TEX15: variants seen among roughly 807,000 people sequenced by gnomAD.
TEX15 encodes the protein testis-expressed protein 15.
In TEX15, 171 loss-of-function variants were observed where a neutral mutation model predicts 237.3. The ratio of observed to expected loss-of-function variants is 0.72; its 90% confidence interval spans 0.64 to 0.82. The LOEUF (loss-of-function observed/expected upper bound fraction) is 0.82. Ranked by LOEUF, TEX15 falls within the 40% of genes least tolerant of loss-of-function variation. The pLI is 0.00. For missense variants in TEX15, 3,750 were observed against 3,646.5 expected (o/e 1.03, Z -0.73); for synonymous variants, 1,338 against 1,269.8 (o/e 1.05, Z -1.14).
At chr8:30,889,344 C>T (rs570172626) in intron 2 of TEX15, among the ~76,000 whole-genome samples, 163 of 152,120 alleles carry the variant, frequency 1.1e-3, no homozygotes, top group African/African-American at 3.8e-3. Context: ...CCCAGCTAAT[C>T]GGGAGGCTGA....
intron 1 of TEX15, among the ~76,000 whole-genome samples, chr8:30,912,308 G>A (rs1476953618): frequency 8.2e-6 from 1 of 121,740 alleles, no homozygotes; most frequent in Admixed American, 8.2e-5. Context: ...CAGGAGTCCC[G>A]AGTTGCGGTC....
chr8:30,874,457 T>TA (rs938595892), intron 4 of TEX15, among the ~76,000 whole-genome samples: 3 of 152,186 alleles, frequency 2.0e-5, no homozygotes, highest in African/African-American at 7.2e-5. Context: ...AGAAGTACTT[T>TA]AAAAAATTAT....
Position 30,846,210 on chromosome 8 carries a change from T to A in TEX15, c.3957A>T (p.Arg1319Ser). The change falls in exon 8 of 11, where the codon AGA becomes AGT. Residue 1319 changes from arginine to serine, a missense_variant. Physicochemically the swap from Arg to Ser is moderately radical, Grantham distance 110 (BLOSUM62 -1). Transcript: ENST00000643185. ...RDQNIPHKDLRRHKIYGRKRR... is the reference protein window; with the variant it reads ...RDQNIPHKDLSRHKIYGRKRR... ...TCTTTCTCCCATAAATTTTATGTCG[T>A]CTTAAATCTTTATGTGGTATGTTCT... 6.2e-7 allele frequency: 1 copy of A among 1,613,394 alleles called. No homozygotes were observed.
At chr8:30,882,317 C>T (rs1307430351) in intron 3 of TEX15, among the ~76,000 whole-genome samples, 4 of 152,054 alleles carry the variant, frequency 2.6e-5, no homozygotes, top group African/African-American at 7.2e-5. Flanking sequence ...GACGGAGTCT[C>T]GCTCTGTCAC....
At chr8:30,903,156 G>A (rs926574019) in intron 1 of TEX15, among the ~76,000 whole-genome samples, 72 of 152,170 alleles carry the variant, frequency 4.7e-4, no homozygotes, top group African/African-American at 1.7e-3. Flanking sequence ...TTGTTTTAAT[G>A]ACCTATGCTG....
At chr8:30,871,828 A>G (rs1808298050) in intron 4 of TEX15, among the ~76,000 whole-genome samples, 2 of 152,158 alleles carry the variant, frequency 1.3e-5, no homozygotes, top group Admixed American at 6.6e-5. Context: ...AGATCTGGAT[A>G]TAGATCTAAA....
At chr8:30,867,211 G>C (rs1002844343) in intron 5 of TEX15, 54 bp downstream of exon 5, 24 of 785,398 alleles carry the variant, frequency 3.1e-5, no homozygotes, top group African/African-American at 8.6e-5. Flanking sequence ...AATATGTTCA[G>C]GTCAATTCAA....
At position 30,845,215 on chromosome 8, in the gene TEX15, A is replaced by G. The variant is rs528306604; in HGVS notation, c.4952T>C (p.Ile1651Thr). The G allele has an allele frequency of 6.2e-6, 10 of 1,613,554 alleles. No homozygotes were observed. The South Asian group carries it at 9.9e-5, about 16-fold the overall frequency. The change falls in exon 8 of 11, where the codon ATA becomes ACA. Residue 1651 changes from isoleucine (I) to threonine (T), a missense_variant. Coordinates refer to ENST00000643185, the MANE Select transcript of TEX15 (RefSeq NM_001350162.2). ...GHTKAKTDVLISVLDSNVKHF... is the reference protein window; with the variant it reads ...GHTKAKTDVLTSVLDSNVKHF... ...CTTCACATTTGAATCTAAGACTGAT[A>G]TAAGTACGTCAGTTTTCGCCTTTGT...
chr8:30,832,545 T>A lies in TEX15; in HGVS notation c.*741A>T, dbSNP rs1356499397. On this transcript the variant is annotated 3_prime_UTR_variant, in exon 11 of 11. Transcript: ENST00000643185. ...TGACAAGAGCATGAAAAAACTATGT[T>A]TGTGCCACATTGTTTAAATTACTGT... is the stretch of plus-strand genomic sequence containing the variant. 1 of 152,230 alleles carries A rather than the reference T, an allele frequency of 6.6e-6. No homozygotes were observed. Among genetic ancestry groups the A allele is most frequent in the Non-Finnish European group, 1.5e-5 (1 of 68,030 alleles). 9.4% of individuals were successfully genotyped at this position (152,230 alleles called of 1,614,324 possible). A position where few individuals can be genotyped will look rare whatever the true frequency, so the allele number is the denominator to read the frequency against.
intron 2 of TEX15, among the ~76,000 whole-genome samples, chr8:30,895,046 T>C (rs893776336): frequency 6.6e-6 from 1 of 152,030 alleles, no homozygotes; most frequent in Admixed American, 6.6e-5. Context: ...AGTTACCCAG[T>C]TTATGGTATT....
Position 30,843,993 on chromosome 8 carries a change from C to T in TEX15, c.6174G>A (p.Trp2058Ter). The T allele has an allele frequency of 1.9e-6, 3 of 1,612,730 alleles. No individual in the cohort carries two copies. Among genetic ancestry groups the T allele is most frequent in the South Asian group, 1.1e-5 (1 of 90,848 alleles). The change falls in exon 8 of 11, where the codon TGG (tryptophan) becomes TGA (stop). Residue 2058 changes from tryptophan (W) to a stop codon, truncating the protein, a stop_gained. Coordinates refer to ENST00000643185, the MANE Select transcript of TEX15 (RefSeq NM_001350162.2). LOFTEE classifies it high-confidence loss of function. ...SRELLVDQNL[W>*]NNCKHTLKPC... ...GTTTTAATGTGTGTTTGCAATTATT[C>T]CACAGGTTTTGGTCTACCAACAGTT...
At chr8:30,865,568 G>A (rs1002776392) in intron 5 of TEX15, among the ~76,000 whole-genome samples, 2 of 152,052 alleles carry the variant, frequency 1.3e-5, no homozygotes, top group African/African-American at 4.8e-5. Context: ...TTAGCAAACT[G>A]AAATCAACAG....
At chr8:30,897,202 A>G (rs576223332) in intron 2 of TEX15, among the ~76,000 whole-genome samples, 58 of 152,282 alleles carry the variant, frequency 3.8e-4, no homozygotes, top group Admixed American at 2.4e-3. Context: ...CCTAAGCTTT[A>G]CTTTCCTCAT....
At chr8:30,908,729 C>T (rs983750336) in intron 1 of TEX15, among the ~76,000 whole-genome samples, 6 of 152,174 alleles carry the variant, frequency 3.9e-5, no homozygotes, top group Admixed American at 2.6e-4. Context: ...GTTCATCTCT[C>T]GATATTACTG....
chr8:30,838,036 C>A lies in TEX15; in HGVS notation c.8248G>T (p.Glu2750Ter). The change falls in exon 10 of 11, where the codon GAA becomes TAA. Residue 2750 changes from glutamate (E) to a stop codon, truncating the protein, a stop_gained. Transcript: ENST00000643185. LOFTEE classifies it high-confidence loss of function. Reference sequence around the variant, plus strand: ...CATGAACTTGGTACTATTTTGTTTTCGCTTTTGGGATGAGATCCTGTAGTC... The same window carrying A: ...CATGAACTTGGTACTATTTTGTTTTAGCTTTTGGGATGAGATCCTGTAGTC... ...PRTTGSHPKS[E>*]NKIVPSSCDS... The A allele has an allele frequency of 6.2e-7, 1 of 1,612,222 alleles. No individual in the cohort carries two copies. Among genetic ancestry groups the A allele is most frequent in the Non-Finnish European group, 8.5e-7 (1 of 1,179,494 alleles).
At chr8:30,887,880 T>C (rs1808691508) in intron 2 of TEX15, 1 of 129,540 alleles carries the variant, frequency 7.7e-6, no homozygotes. Flanking sequence ...ATATTTCACA[T>C]ATATATTTCA....
Position 30,833,290 on chromosome 8 carries a change from T to C in TEX15, c.9515A>G (p.His3172Arg). 2.5e-6 allele frequency: 4 copies of C among 1,588,026 alleles called. No homozygotes were observed. Among genetic ancestry groups the C allele is most frequent in the Non-Finnish European group, 3.4e-6 (4 of 1,168,514 alleles). The change falls in exon 11 of 11, where the codon CAC becomes CGC. Residue 3172 changes from histidine to arginine, a missense_variant. His to Arg is a conservative substitution (Grantham distance 29, BLOSUM62 0). Coordinates refer to ENST00000643185, the MANE Select transcript of TEX15 (RefSeq NM_001350162.2). ...PWHQESFHPGH is the reference protein window; with the variant it reads ...PWHQESFHPGR ...TCAATAGACAGAAGACTATTTTCAGTGTCCTGGATGAAAGGATTCTTGGTG... is the reference window on the plus strand; with the variant it reads ...TCAATAGACAGAAGACTATTTTCAGCGTCCTGGATGAAAGGATTCTTGGTG...
intron 4 of TEX15, among the ~76,000 whole-genome samples, chr8:30,873,788 G>A (rs1295224957): frequency 6.6e-6 from 1 of 152,240 alleles, no homozygotes; most frequent in East Asian, 1.9e-4. Context: ...ATTGTAGTAA[G>A]TACCATAAAA....
At chr8:30,893,010 G>A (rs558920941) in intron 2 of TEX15, among the ~76,000 whole-genome samples, 1 of 148,226 alleles carries the variant, frequency 6.7e-6, no homozygotes, top group Admixed American at 6.8e-5. Context: ...TCCAGCCTGG[G>A]CGACAGAGCG....
Sources: allele counts gnomAD v4.1 joint callset (sites outside exome capture counted in the v4.1 genomes callset), GRCh38; gene constraint gnomAD v4.1.1; transcripts MANE v1.5; gene names NCBI Gene and HGNC (gene_info 2026-07-23, HGNC 2026-07-21).